SLC7A2: variants seen among roughly 807,000 people sequenced by gnomAD.
The protein encoded by SLC7A2 is cationic amino acid transporter 2.
A neutral mutation model predicts 58.9 loss-of-function variants in SLC7A2; 48 were observed. The ratio of observed to expected loss-of-function variants is 0.82; its 90% CI spans 0.65 to 1.04. The LOEUF is 1.04. Among genes scored for constraint, SLC7A2 ranks in the 50% least tolerant of loss-of-function variants. The probability of loss-of-function intolerance (pLI) is 0.00; values close to 1 mark genes in which losing one functional copy is unlikely to be tolerated. For synonymous variants in SLC7A2, 363 were observed against 314.5 expected (o/e 1.15, Z -1.63); for missense variants, 1,029 against 818.8 (o/e 1.26, Z -3.13).
intron 8 of SLC7A2, among the ~76,000 whole-genome samples, chr8:17,555,979 G>A (rs971270997): frequency 1.3e-5 from 2 of 152,258 alleles, no homozygotes; most frequent in South Asian, 2.1e-4. Flanking sequence ...GAATTGTTAG[G>A]AAATTAGCTT....
chr8:17,551,383 G>A (rs902810450), intron 6 of SLC7A2, among the ~76,000 whole-genome samples: 2 of 152,188 alleles, frequency 1.3e-5, no homozygotes, highest in African/African-American at 4.8e-5. Context: ...TGGATCACTT[G>A]AGGCCAGGAA....
chr8:17,545,889 T>C (rs910054499), intron 4 of SLC7A2, among the ~76,000 whole-genome samples: 32 of 152,332 alleles, frequency 2.1e-4, no homozygotes, highest in African/African-American at 7.2e-4. Flanking sequence ...AATATCTTTC[T>C]CTTTTGAAAT....
rs1802804340 is a variant in SLC7A2, at chr8:17,558,315, G to C, written c.1216G>C (p.Asp406His). The C allele has an allele frequency of 6.2e-7, 1 of 1,612,866 alleles. No individual in the cohort carries two copies. The highest frequency in any genetic ancestry group is 8.5e-7 in the Non-Finnish European group (1 of 1,179,248). ...CCTAGCTTTGATGGCCTTTCTGTTT[G>C]ACCTGAAGGCGCTTGTGGACATGAT... is the stretch of plus-strand genomic sequence containing the variant. ...AVAALMAFLF[D>H]LKALVDMMSI... Residue 406 changes from aspartate to histidine, a missense_variant, in exon 9 of 13, where the codon GAC becomes CAC. Transcript: ENST00000494857.
chr8:17,539,588 G>T (rs1801822395), intron 2 of SLC7A2, among the ~76,000 whole-genome samples: 1 of 152,200 alleles, frequency 6.6e-6, no homozygotes, highest in Non-Finnish European at 1.5e-5. Context: ...TCATAGGGAT[G>T]TTGATCAGAG....
chr8:17,542,709 C>T (rs1801966518), intron 2 of SLC7A2, among the ~76,000 whole-genome samples: 2 of 151,476 alleles, frequency 1.3e-5, no homozygotes, highest in East Asian at 3.9e-4. Context: ...AGAGACAGAA[C>T]CCAAAAGATG....
chr8:17,532,256 AAAAC>A (rs869308982), intron 2 of SLC7A2, among the ~76,000 whole-genome samples: 33,279 of 92,312 alleles, frequency 0.36, 7,187 homozygotes, highest in Non-Finnish European at 0.47. Context: ...AAAAAAAAAA[AAAAC>A]CCCAGCAATT....
intron 2 of SLC7A2, among the ~76,000 whole-genome samples, chr8:17,517,090 A>G (rs530201725): frequency 3.9e-5 from 6 of 152,304 alleles, no homozygotes; most frequent in African/African-American, 1.2e-4. Context: ...TTAAATATGG[A>G]TCCAATATCT....
At chr8:17,508,550 C>A (rs1278848008) in intron 2 of SLC7A2, among the ~76,000 whole-genome samples, 2 of 152,018 alleles carry the variant, frequency 1.3e-5, no homozygotes, top group Non-Finnish European at 2.9e-5. Context: ...ATGGCGAAAC[C>A]ACATCTCTAC....
At chr8:17,540,821 A>C (rs988991356) in intron 2 of SLC7A2, among the ~76,000 whole-genome samples, 12 of 152,310 alleles carry the variant, frequency 7.9e-5, no homozygotes, top group African/African-American at 2.9e-4. Context: ...GGATTTAAAA[A>C]AAGTTTACCC....
chr8:17,563,357 AT>A (rs538070989), intron 11 of SLC7A2, among the ~76,000 whole-genome samples: 217 of 152,246 alleles, frequency 1.4e-3, no homozygotes, highest in Non-Finnish European at 2.6e-3. Context: ...AGAAAGCTAA[AT>A]CCTAAAACCA....
chr8:17,501,947 A>C (rs1272447047), intron 1 of SLC7A2, among the ~76,000 whole-genome samples: 1 of 151,988 alleles, frequency 6.6e-6, no homozygotes, highest in African/African-American at 2.4e-5. Context: ...ACAATACACA[A>C]CAAAGAATTT....
chr8:17,563,667 T>C lies in SLC7A2; in HGVS notation c.1736T>C (p.Leu579Ser), dbSNP rs540504734. The change falls in exon 12 of 13, where the codon TTA (leucine) becomes TCA (serine). Residue 579 changes from leucine (L) to serine (S), a missense_variant. Physicochemically the swap from Leu to Ser is moderately radical, Grantham distance 145. Transcript: ENST00000494857. ...GTGAACATTTACTTGATGGTCCAGTTAAGTGCAGACACTTGGGTCAGATTC... is the reference window on the plus strand; with the variant it reads ...GTGAACATTTACTTGATGGTCCAGTCAAGTGCAGACACTTGGGTCAGATTC... The part of the protein sequence containing the change: ...ILVNIYLMVQ[L>S]SADTWVRFSI... 2 of 1,613,530 alleles carry C rather than the reference T, an allele frequency of 1.2e-6. No homozygotes were observed. Among genetic ancestry groups the C allele is most frequent in the African/African-American group, 1.3e-5 (1 of 75,054 alleles).
chr8:17,531,312 C>G lies in SLC7A2; in HGVS notation c.-22-12006C>G, dbSNP rs1236226501. 2.0e-5 allele frequency among the ~76,000 whole-genome samples: 3 copies of G among 152,062 alleles called. No individual in the cohort carries two copies. The East Asian group carries it at 5.8e-4, about 29-fold the overall frequency. On this transcript the variant is annotated intron_variant, in intron 2 of 12. Transcript: ENST00000494857. ...GCCGTATATTGTATGTAATACAAGG[C>G]CACTATAAAGGTTTTAGAGGACAGA...
chr8:17,524,546 G>A (rs896329860), intron 2 of SLC7A2, among the ~76,000 whole-genome samples: 13 of 151,962 alleles, frequency 8.6e-5, no homozygotes, highest in Admixed American at 3.9e-4. Flanking sequence ...TCTAAGTGAA[G>A]TAACTCAGGA....
At chr8:17,520,783 G>C (rs1194589581) in intron 2 of SLC7A2, 1 of 845,070 alleles carries the variant, frequency 1.2e-6, no homozygotes, top group Non-Finnish European at 1.4e-6. Flanking sequence ...GTAGAGATGA[G>C]CTTAAGCAGA....
intron 2 of SLC7A2, among the ~76,000 whole-genome samples, chr8:17,523,687 C>G (rs1297148854): frequency 1.3e-5 from 2 of 152,160 alleles, no homozygotes; most frequent in African/African-American, 4.8e-5. Flanking sequence ...GAAAACCCTT[C>G]TAGACATTGG....
chr8:17,518,525 T>C (rs1320127617), intron 2 of SLC7A2, among the ~76,000 whole-genome samples: 2 of 152,052 alleles, frequency 1.3e-5, no homozygotes, highest in African/African-American at 2.4e-5. Context: ...CTCAGCCTAG[T>C]GTTCATCATG....
At chr8:17,520,134 G>T (rs1010196123) in intron 2 of SLC7A2, among the ~76,000 whole-genome samples, 7 of 152,140 alleles carry the variant, frequency 4.6e-5, no homozygotes, top group Non-Finnish European at 7.4e-5. Context: ...AGTGATAAAA[G>T]CATCTTAAAT....
chr8:17,506,176 T>G (rs1800357704), intron 2 of SLC7A2, among the ~76,000 whole-genome samples: 1 of 152,244 alleles, frequency 6.6e-6, no homozygotes, highest in Non-Finnish European at 1.5e-5. Flanking sequence ...CAGAGCACTT[T>G]TACATGCCAT....
Sources: allele counts gnomAD v4.1 joint callset (sites outside exome capture counted in the v4.1 genomes callset), GRCh38; gene constraint gnomAD v4.1.1; transcripts MANE v1.5; gene names NCBI Gene and HGNC (gene_info 2026-07-23, HGNC 2026-07-21).